B3GAT2: variants seen among roughly 807,000 people sequenced by gnomAD.
The protein encoded by B3GAT2 is galactosylgalactosylxylosylprotein 3-beta-glucuronosyltransferase 2.
Under a neutral mutation model 27.8 loss-of-function variants are expected in B3GAT2, and 26 were observed. The ratio of observed to expected loss-of-function variants is 0.93; its 90% CI spans 0.68 to 1.30. The LOEUF is 1.30. Among genes scored for constraint, B3GAT2 ranks in the 50% most tolerant of loss-of-function variants. B3GAT2 has a pLI of 0.00. For synonymous variants in B3GAT2, 218 were observed against 195.1 expected (o/e 1.12, Z -0.98); for missense variants, 458 against 459.0 (o/e 1.00, Z 0.02).
intron 1 of B3GAT2, among the ~76,000 whole-genome samples, chr6:70,937,240 T>C (rs1765300374): frequency 1.3e-5 from 2 of 151,822 alleles, no homozygotes; most frequent in African/African-American, 4.8e-5. Flanking sequence ...TAACAGGCTC[T>C]GAAATTGTGG....
intron 2 of B3GAT2, among the ~76,000 whole-genome samples, chr6:70,868,324 C>T (rs185230678): frequency 6.6e-6 from 1 of 152,248 alleles, no homozygotes; most frequent in East Asian, 1.9e-4. Context: ...AAGGCTCCCA[C>T]CCCCACAAAA....
At chr6:70,916,414 G>A (rs1478268378) in intron 1 of B3GAT2, among the ~76,000 whole-genome samples, 1 of 152,070 alleles carries the variant, frequency 6.6e-6, no homozygotes, top group African/African-American at 2.4e-5. Context: ...TTATTGCCCT[G>A]GCCAGAACTT....
rs1490909282 is a variant in B3GAT2 at position 70,870,433 on chromosome 6, C to T, written c.737-8455G>A. Among the ~76,000 whole-genome samples the T allele has an allele frequency of 1.9e-4, 28 of 149,358 alleles. No individual in the cohort carries two copies. The South Asian group carries it at 6.0e-3, about 32-fold the overall frequency. On this transcript the variant is annotated intron_variant, in intron 2 of 3. Coordinates refer to ENST00000230053, the MANE Select transcript of B3GAT2 (RefSeq NM_080742.3). The stretch of plus-strand genomic sequence containing the variant: ...GGAGGGATAGCATTAGGAGATATAC[C>T]TAATGCTAAATGACGAGTTAATGGG...
intron 2 of B3GAT2, among the ~76,000 whole-genome samples, chr6:70,881,271 C>T (rs1772094995): frequency 6.6e-6 from 1 of 152,206 alleles, no homozygotes; most frequent in Non-Finnish European, 1.5e-5. Flanking sequence ...TCTTTCCTCA[C>T]AGCTGCTGGC....
chr6:70,893,316 C>T (rs1418767291), intron 2 of B3GAT2, among the ~76,000 whole-genome samples: 1 of 152,048 alleles, frequency 6.6e-6, no homozygotes, highest in Admixed American at 6.5e-5. Context: ...GCTGGCAGCC[C>T]GACAGAGCTG....
Position 70,860,349 on chromosome 6 carries a change from G to T in B3GAT2, c.*1314C>A, listed in dbSNP as rs1174752290. 6.3e-7 allele frequency: 1 copy of T among 1,598,988 alleles called. No individual in the cohort carries two copies. Among genetic ancestry groups the T allele is most frequent in the Non-Finnish European group, 8.5e-7 (1 of 1,173,392 alleles). On this transcript the variant is annotated 3_prime_UTR_variant, in exon 4 of 4. Coordinates refer to ENST00000230053, the MANE Select transcript of B3GAT2 (RefSeq NM_080742.3). ...TGTGGAAATGAAAACTGCAATACAA[G>T]TTTCATCCAGAACTACCACCTGACA... is the stretch of plus-strand genomic sequence containing the variant.
rs1425675907 is a variant in B3GAT2 at position 70,861,119 on chromosome 6, C to T, written c.*544G>A. On this transcript the variant is annotated 3_prime_UTR_variant, in exon 4 of 4. Coordinates refer to ENST00000230053, the MANE Select transcript of B3GAT2 (RefSeq NM_080742.3). ...TAATTGTGTTTACATTTTATGGTGCCTAGTATTGACAAAATGTTATTTCCC... is the reference window on the plus strand; with the variant it reads ...TAATTGTGTTTACATTTTATGGTGCTTAGTATTGACAAAATGTTATTTCCC... 4 of 169,668 alleles carry T rather than the reference C, an allele frequency of 2.4e-5. No homozygotes were observed. The highest frequency in any genetic ancestry group is 9.5e-5 in the African/African-American group (4 of 42,210). 10.5% of individuals were successfully genotyped at this position (169,668 alleles called of 1,614,324 possible).
intron 2 of B3GAT2, among the ~76,000 whole-genome samples, chr6:70,878,223 T>C (rs1290673900): frequency 6.6e-6 from 1 of 152,234 alleles, no homozygotes; most frequent in African/African-American, 2.4e-5. Context: ...GCCTTTTGTC[T>C]ACTTAAATCT....
At chr6:70,898,604 C>T (rs918348324) in intron 1 of B3GAT2, among the ~76,000 whole-genome samples, 2 of 152,142 alleles carry the variant, frequency 1.3e-5, no homozygotes, top group Non-Finnish European at 2.9e-5. Context: ...AGATAATCTT[C>T]TTAAAATGGC....
chr6:70,892,364 C>T (rs1031609825), intron 2 of B3GAT2, among the ~76,000 whole-genome samples: 1 of 152,156 alleles, frequency 6.6e-6, no homozygotes, highest in Non-Finnish European at 1.5e-5. Context: ...CTATTTGATA[C>T]CTGATCATCT....
At chr6:70,936,376 T>C (rs1765281026) in intron 1 of B3GAT2, among the ~76,000 whole-genome samples, 1 of 151,998 alleles carries the variant, frequency 6.6e-6, no homozygotes, top group South Asian at 2.1e-4. Flanking sequence ...TACACAGGAA[T>C]TGAACTCAGC....
chr6:70,877,893 AG>A (rs1179323376), intron 2 of B3GAT2, among the ~76,000 whole-genome samples: 1 of 152,224 alleles, frequency 6.6e-6, no homozygotes, highest in Non-Finnish European at 1.5e-5. Context: ...GAGACTGGCC[AG>A]GGACCAGGCT....
chr6:70,913,995 TA>T (rs1772728986), intron 1 of B3GAT2, among the ~76,000 whole-genome samples: 1 of 152,226 alleles, frequency 6.6e-6, no homozygotes, highest in African/African-American at 2.4e-5. Context: ...CTGCTTTGTC[TA>T]AAATTAGAAT....
intron 1 of B3GAT2, among the ~76,000 whole-genome samples, chr6:70,924,369 T>C (rs1772919843): frequency 6.6e-6 from 1 of 152,174 alleles, no homozygotes; most frequent in South Asian, 2.1e-4. Context: ...GCAATCTCTA[T>C]CAAAATCCCA....
intron 1 of B3GAT2, among the ~76,000 whole-genome samples, chr6:70,945,369 A>C (rs906502262): frequency 6.6e-6 from 1 of 152,174 alleles, no homozygotes; most frequent in African/African-American, 2.4e-5. Flanking sequence ...AATACAGAGA[A>C]GTGCTTAAAG....
chr6:70,892,069 TGTCTCCTTAGAG>T (rs1221339810), intron 2 of B3GAT2, among the ~76,000 whole-genome samples: 10 of 152,200 alleles, frequency 6.6e-5, no homozygotes, highest in Non-Finnish European at 1.2e-4. Flanking sequence ...TGACAAAAGT[TGTCTCCTTAGAG>T]ACACTTTATT....
At chr6:70,894,085 G>T (rs1368293952) in intron 2 of B3GAT2, 43 bp downstream of exon 2, 2 of 1,525,044 alleles carry the variant, frequency 1.3e-6, no homozygotes, top group African/African-American at 2.8e-5. Context: ...AAGAGCATAA[G>T]AACAGTCCAG....
intron 1 of B3GAT2, among the ~76,000 whole-genome samples, chr6:70,897,794 A>G (rs1223196315): frequency 6.6e-6 from 1 of 151,976 alleles, no homozygotes; most frequent in Non-Finnish European, 1.5e-5. Context: ...ATTTTTATAT[A>G]TGGTATGAGG....
At position 70,919,571 on chromosome 6, in the gene B3GAT2, C is replaced by T. The variant is rs560645464; in HGVS notation, c.592-25299G>A. Among the ~76,000 whole-genome samples, 16 of 152,236 alleles carry T rather than the reference C, an allele frequency of 1.1e-4. No homozygotes were observed. The South Asian group carries it at 1.9e-3, about 18-fold the overall frequency. ...TTTGGTCTTTGATGTTGGTGACCTA[C>T]GGATGGGGTTTTCGTGTGGATGTCC... On this transcript the variant is annotated intron_variant, in intron 1 of 3. Transcript: ENST00000230053.
Sources: gnomAD v4.1 joint callset for allele counts (sites outside exome capture counted in the v4.1 genomes callset) on GRCh38, gnomAD v4.1.1 for gene constraint, MANE v1.5 for transcripts, NCBI Gene and HGNC (gene_info 2026-07-23, HGNC 2026-07-21) for gene names.